The following ATXN2 variants were observed in gnomAD, a reference collection of about 807,000 sequenced individuals.
ATXN2 encodes the protein ataxin 2.
In ATXN2, 37 loss-of-function variants were observed where a neutral mutation model predicts 138.6. The ratio of observed to expected loss-of-function variants is 0.27; its 90% CI spans 0.21 to 0.35. ATXN2 has a LOEUF of 0.35. Among genes scored for constraint, ATXN2 ranks in the 10% least tolerant of loss-of-function variants. The pLI is 1.00. For synonymous variants in ATXN2, 549 were observed against 543.7 expected, an observed-to-expected ratio of 1.01 and a Z score of -0.13; for missense variants, 1,216 against 1,480.3, an observed-to-expected ratio of 0.82 and a Z score of 2.93.
chr12:111,599,094 C>T lies in ATXN2; in HGVS notation c.-60G>A, dbSNP rs1355615874. 2 of 1,328,684 alleles carry T rather than the reference C, an allele frequency of 1.5e-6. No individual in the cohort carries two copies. The highest frequency in any genetic ancestry group is 1.9e-6 in the Non-Finnish European group (2 of 1,038,482). 82.3% of individuals were successfully genotyped at this position (1,328,684 alleles called of 1,614,324 possible). A position where few individuals can be genotyped will look rare whatever the true frequency, so the allele number is the denominator to read the frequency against. On this transcript the variant is annotated 5_prime_UTR_variant, in exon 1 of 25. Coordinates refer to ENST00000673436, the MANE Select transcript of ATXN2 (RefSeq NM_001372574.1). ...CGGGGACAGCCGGGAGCCGGGCGCG[C>T]CAAGGAGACGCCGGAACGCGGCGGG...
intron 14 of ATXN2, among the ~76,000 whole-genome samples, chr12:111,504,579 C>T (rs1273688439): frequency 6.6e-6 from 1 of 152,142 alleles, no homozygotes; most frequent in Non-Finnish European, 1.5e-5. Context: ...CGTTGAGAGC[C>T]ACTGTGCCTG....
intron 23 of ATXN2, chr12:111,454,056 G>A: frequency 1.9e-6 from 1 of 515,466 alleles, no homozygotes; most frequent in East Asian, 3.5e-5. Flanking sequence ...GGGTCAGGGA[G>A]CAGGCAACAA....
chr12:111,543,347 A>C (rs1309628430), intron 5 of ATXN2, among the ~76,000 whole-genome samples: 1 of 152,222 alleles, frequency 6.6e-6, no homozygotes, highest in Non-Finnish European at 1.5e-5. Flanking sequence ...CACCAGAATA[A>C]AACAATCTGT....
intron 5 of ATXN2, among the ~76,000 whole-genome samples, chr12:111,547,726 A>G (rs550871489): frequency 6.6e-6 from 1 of 151,636 alleles, no homozygotes; most frequent in East Asian, 1.9e-4. Context: ...ACTCCGTCCC[A>G]AGGAAAACAA....
chr12:111,586,124 T>TG (rs1884314695), intron 1 of ATXN2, among the ~76,000 whole-genome samples: 1 of 151,930 alleles, frequency 6.6e-6, no homozygotes, highest in Admixed American at 6.6e-5. Context: ...AGGCTGGACT[T>TG]GAACTCCTGG....
intron 5 of ATXN2, among the ~76,000 whole-genome samples, chr12:111,550,062 CAAAA>C (rs11360314): frequency 6.3e-5 from 5 of 78,934 alleles, no homozygotes; most frequent in Admixed American, 1.4e-4. Flanking sequence ...ACTCCGTCTC[CAAAA>C]AAAAAAAAAA....
At chr12:111,505,181 C>T (rs563220275) in intron 14 of ATXN2, among the ~76,000 whole-genome samples, 13 of 152,140 alleles carry the variant, frequency 8.5e-5, no homozygotes, top group African/African-American at 2.9e-4. Context: ...TGCCCTCCAG[C>T]CTAAGCAAAA....
chr12:111,495,620 G>T (rs530595608), intron 14 of ATXN2, among the ~76,000 whole-genome samples: 2 of 152,092 alleles, frequency 1.3e-5, no homozygotes, highest in Non-Finnish European at 2.9e-5. Context: ...GCAAAAAAGA[G>T]AAACAGACCT....
intron 9 of ATXN2, 129 bp downstream of exon 9, chr12:111,518,120 G>A: frequency 1.3e-6 from 1 of 792,256 alleles, no homozygotes; most frequent in Non-Finnish European, 1.8e-6. Flanking sequence ...AAGTAATGCT[G>A]AAGTGAAAGC....
intron 1 of ATXN2, among the ~76,000 whole-genome samples, chr12:111,595,442 G>C (rs1884886421): frequency 6.6e-6 from 1 of 151,628 alleles, no homozygotes; most frequent in Non-Finnish European, 1.5e-5. Flanking sequence ...GGTAGTACGA[G>C]ACCAAACTGG....
At chr12:111,533,512 A>ATT (rs559080592) in intron 5 of ATXN2, among the ~76,000 whole-genome samples, 5 of 148,262 alleles carry the variant, frequency 3.4e-5, no homozygotes, top group African/African-American at 1.2e-4. Context: ...TTCCCATATA[A>ATT]TTTTTTTTTT....
chr12:111,570,344 A>G (rs770400281), intron 1 of ATXN2, among the ~76,000 whole-genome samples: 6 of 152,222 alleles, frequency 3.9e-5, no homozygotes, highest in Non-Finnish European at 7.3e-5. Context: ...CCATTTACTG[A>G]TAACTGCTAA....
chr12:111,528,456 C>G (rs974048621), intron 5 of ATXN2, among the ~76,000 whole-genome samples: 2 of 152,096 alleles, frequency 1.3e-5, no homozygotes, highest in Non-Finnish European at 2.9e-5. Context: ...ACTTTAGGAC[C>G]CAGGCTTTAT....
At chr12:111,595,597 G>A (rs1001091345) in intron 1 of ATXN2, among the ~76,000 whole-genome samples, 2 of 148,064 alleles carry the variant, frequency 1.4e-5, no homozygotes, top group African/African-American at 2.5e-5. Context: ...AGCTGAGATC[G>A]TACCACTGCA....
At chr12:111,478,134 C>T (rs1416258002) in intron 18 of ATXN2, among the ~76,000 whole-genome samples, 3 of 151,986 alleles carry the variant, frequency 2.0e-5, no homozygotes, top group African/African-American at 7.2e-5. Flanking sequence ...AGGACAGGCG[C>T]AGTGGCTCAC....
At chr12:111,472,763 G>C (rs980635038) in intron 18 of ATXN2, among the ~76,000 whole-genome samples, 11 of 151,830 alleles carry the variant, frequency 7.2e-5, no homozygotes, top group African/African-American at 2.7e-4. Context: ...TAGTAGAGAC[G>C]GGGTTTCACC....
chr12:111,556,592 C>G (rs1165687758), intron 1 of ATXN2, among the ~76,000 whole-genome samples: 1 of 151,890 alleles, frequency 6.6e-6, no homozygotes, highest in Non-Finnish European at 1.5e-5. Flanking sequence ...CAGAGGTGGG[C>G]AGATCACAAG....
intron 5 of ATXN2, among the ~76,000 whole-genome samples, chr12:111,551,069 C>T (rs578045667): frequency 1.3e-5 from 2 of 152,146 alleles, no homozygotes; most frequent in East Asian, 1.9e-4. Context: ...GAGGCCGAGG[C>T]GGGCGGATCA....
At chr12:111,573,703 A>C (rs1309192303) in intron 1 of ATXN2, among the ~76,000 whole-genome samples, 1 of 152,144 alleles carries the variant, frequency 6.6e-6, no homozygotes, top group Non-Finnish European at 1.5e-5. Flanking sequence ...CCAGCCTGAC[A>C]GGCTGGGCTG....
Sources: gnomAD v4.1 joint callset for allele counts (sites outside exome capture counted in the v4.1 genomes callset) on GRCh38, gnomAD v4.1.1 for gene constraint, MANE v1.5 for transcripts, NCBI Gene and HGNC (gene_info 2026-07-23, HGNC 2026-07-21) for gene names.